TRPV5: variants seen among roughly 807,000 people sequenced by gnomAD.
The protein encoded by TRPV5 is transient receptor potential cation channel subfamily V member 5, also known as calcium transport protein 2.
In TRPV5, 66 loss-of-function variants were observed where a neutral mutation model predicts 74.1. The observed-to-expected ratio is 0.89, with a 90% CI of 0.73 to 1.09. TRPV5 has a LOEUF of 1.09. Ranked by LOEUF, TRPV5 falls within the 50% of genes least tolerant of loss-of-function variation. The probability of loss-of-function intolerance (pLI) is 0.00; values close to 1 mark genes in which losing one functional copy is unlikely to be tolerated. For missense variants in TRPV5, 936 were observed against 930.4 expected (o/e 1.01, Z -0.08); for synonymous variants, 399 against 360.7 (o/e 1.11, Z -1.20).
chr7:142,924,571 C>A lies in TRPV5; in HGVS notation c.1122+958G>T, dbSNP rs6966572. Among the ~76,000 whole-genome samples the A allele has an allele frequency of 7.3e-5, 11 of 151,374 alleles. No individual in the cohort carries two copies. The South Asian group carries it at 1.9e-3, about 26-fold the overall frequency. ...CTATAGAAAGTTTATATTCTCTTTC[C>A]GACTGAAACTACCCTGCTTCCTAGT... On this transcript the variant is annotated intron_variant, in intron 8 of 14. Transcript: ENST00000265310.
At chr7:142,914,786 G>A in intron 11 of TRPV5, 80 bp from the exon 12 acceptor site, 1 of 1,607,606 alleles carries the variant, frequency 6.2e-7, no homozygotes. Flanking sequence ...CAGATCAAGA[G>A]GCCCCCATAG....
intron 14 of TRPV5, among the ~76,000 whole-genome samples, 192 bp from the exon 15 acceptor site, chr7:142,909,000 G>A (rs531783960): frequency 1.6e-4 from 25 of 152,262 alleles, no homozygotes; most frequent in African/African-American, 5.8e-4. Context: ...TAGAGATAAT[G>A]GAGGCTGAGC....
chr7:142,923,722 G>C (rs186878608), intron 8 of TRPV5, among the ~76,000 whole-genome samples: 23 of 152,288 alleles, frequency 1.5e-4, no homozygotes, highest in African/African-American at 5.5e-4. Context: ...ATGCTTCTGA[G>C]TCCTGAAGCA....
At chr7:142,920,263 A>G (rs1441078809) in intron 8 of TRPV5, among the ~76,000 whole-genome samples, 1 of 152,312 alleles carries the variant, frequency 6.6e-6, no homozygotes. Flanking sequence ...TCTCAGGGGT[A>G]TTGGCTTGGG....
At chr7:142,929,172 G>C in intron 4 of TRPV5, 52 bp from the exon 5 acceptor site, 1 of 1,594,064 alleles carries the variant, frequency 6.3e-7, no homozygotes, top group East Asian at 2.3e-5. Flanking sequence ...GCAGGATGGG[G>C]TGGGCAGTCT....
In TRPV5 at chr7:142,915,252, A is replaced by G. The variant is rs371093363; in HGVS notation, c.1286+55T>C. 3.7e-4 allele frequency: 593 copies of G among 1,596,368 alleles called. 1 individual carries two copies. Among genetic ancestry groups the G allele is most frequent in the Non-Finnish European group, 4.8e-4 (561 of 1,171,426 alleles). On this transcript the variant is annotated intron_variant, in intron 10 of 14. Transcript: ENST00000265310. ...CTAGAACTCAGAGAGTGAGCTGGAG[A>G]CAGGAAAAGATTCTGGTAAGGAAAG... is the stretch of plus-strand genomic sequence containing the variant.
Position 142,909,560 on chromosome 7 carries a change from G to A in TRPV5, c.1825C>T (p.Pro609Ser). The change falls in exon 14 of 15, where the codon CCT becomes TCT. Residue 609 changes from proline (P) to serine (S), a missense_variant. By Grantham distance (74) the Pro-to-Ser change is moderately conservative. Transcript: ENST00000265310. ...ATTVMLERKLPRCLWPRSGIC... is the reference protein window; with the variant it reads ...ATTVMLERKLSRCLWPRSGIC... Reference sequence around the variant, plus strand: ...CCGGAGCGAGGCCACAGGCAGCGAGGCAGCTTCCGCTCCAGCATCACTGTG... The same window carrying A: ...CCGGAGCGAGGCCACAGGCAGCGAGACAGCTTCCGCTCCAGCATCACTGTG... The A allele has an allele frequency of 1.2e-6, 2 of 1,614,062 alleles. No homozygotes were observed. The highest frequency in any genetic ancestry group is 1.7e-6 in the Non-Finnish European group (2 of 1,180,044).
In TRPV5 at chr7:142,914,762, G is replaced by A. The variant is rs900103079; in HGVS notation, c.1453-56C>T. 8.1e-6 allele frequency: 13 copies of A among 1,607,628 alleles called. No homozygotes were observed. In the Admixed American group the frequency reaches 1.7e-4, roughly 21 times the overall value. On this transcript the variant is annotated intron_variant, in intron 11 of 14. Transcript: ENST00000265310. ...ATGATTCCTTTTCCACTGCTTTTGA[G>A]CAGCTAACGCTAACAGATCAAGAGG...
intron 1 of TRPV5, 91 bp from the exon 2 acceptor site, chr7:142,930,537 C>T (rs1421169020): frequency 8.4e-6 from 8 of 954,638 alleles, no homozygotes; most frequent in Admixed American, 1.7e-5. Context: ...TTAAGACCAA[C>T]GTGACTCACA....
Position 142,925,602 on chromosome 7 carries a change from C to A in TRPV5, c.1049G>T (p.Arg350Leu), listed in dbSNP as rs761716952. The change falls in exon 8 of 15, where the codon CGC (arginine) becomes CTC (leucine). Residue 350 changes from arginine (R) to leucine (L), a missense_variant. By Grantham distance (102) the Arg-to-Leu change is moderately radical. Coordinates refer to ENST00000265310, the MANE Select transcript of TRPV5 (RefSeq NM_019841.7). Reference protein sequence around the residue: ...MICFTTCCVYRPLKFRGGNRT... With the variant: ...MICFTTCCVYLPLKFRGGNRT... ...GTTGCCACCACGAAACTTAAGGGGGCGGTAGACGCAGCACGTAGTAAAGCA... is the reference window on the plus strand; with the variant it reads ...GTTGCCACCACGAAACTTAAGGGGGAGGTAGACGCAGCACGTAGTAAAGCA... The A allele has an allele frequency of 6.8e-6, 11 of 1,613,988 alleles. No homozygotes were observed. Among genetic ancestry groups the A allele is most frequent in the African/African-American group, 2.7e-5 (2 of 74,860 alleles).
In TRPV5 at chr7:142,928,771, G is replaced by A. The variant is rs754857887; in HGVS notation, c.682C>T (p.His228Tyr). 1 of 1,614,162 alleles carries A rather than the reference G, an allele frequency of 6.2e-7. No individual in the cohort carries two copies. The highest frequency in any genetic ancestry group is 1.1e-5 in the South Asian group (1 of 91,086). ...GGCACAAGGTCCAGGGGCTGCAGGT[G>A]GTCCCCATGTCCATCATAGGACAGC... ...LLLSYDGHGD[H>Y]LQPLDLVPNH... The change falls in exon 6 of 15, where the codon CAC (histidine) becomes TAC (tyrosine). Residue 228 changes from histidine to tyrosine, a missense_variant. Coordinates refer to ENST00000265310, the MANE Select transcript of TRPV5 (RefSeq NM_019841.7).
intron 7 of TRPV5, among the ~76,000 whole-genome samples, chr7:142,926,300 T>C (rs1307399409): frequency 6.6e-6 from 1 of 151,990 alleles, no homozygotes; most frequent in Non-Finnish European, 1.5e-5. Flanking sequence ...AAAGAAGCAA[T>C]GGAGGTTACA....
At chr7:142,917,380 C>T (rs956966967) in intron 8 of TRPV5, among the ~76,000 whole-genome samples, 5 of 151,914 alleles carry the variant, frequency 3.3e-5, no homozygotes, top group African/African-American at 1.2e-4. Flanking sequence ...TTAAAAATGT[C>T]GTGTCTTGAT....
Position 142,933,450 on chromosome 7 carries a change from A to C in TRPV5, c.10T>G (p.Phe4Val). 1 of 1,613,620 alleles carries C rather than the reference A, an allele frequency of 6.2e-7. No individual in the cohort carries two copies. The highest frequency in any genetic ancestry group is 8.5e-7 in the Non-Finnish European group (1 of 1,179,782). MGG[F>V]LPKAEGPGSQ... ...CCGGGCCCTTCTGCCTTAGGTAGAA[A>C]ACCCCCCATGTCTTCTCCTTGCAGA... The change falls in exon 1 of 15, where the codon TTT becomes GTT. Residue 4 changes from phenylalanine (F) to valine (V), a missense_variant. By Grantham distance (50) the Phe-to-Val change is conservative. Transcript: ENST00000265310.
chr7:142,912,412 A>G (rs1795713831), intron 13 of TRPV5, 70 bp downstream of exon 13: 5 of 1,554,616 alleles, frequency 3.2e-6, no homozygotes, highest in Non-Finnish European at 4.4e-6. Context: ...ATGATCCACC[A>G]TAACATTTTC....
intron 14 of TRPV5, 132 bp downstream of exon 14, chr7:142,909,358 C>CACTGT (rs1795669254): frequency 2.3e-6 from 2 of 882,074 alleles, no homozygotes; most frequent in Admixed American, 4.9e-5. Context: ...CAGCATTCTT[C>CACTGT]GTACCCCTCC....
intron 8 of TRPV5, 182 bp downstream of exon 8, chr7:142,925,347 C>T (rs1413988583): frequency 4.8e-6 from 3 of 628,660 alleles, no homozygotes; most frequent in East Asian, 5.5e-5. Context: ...GACAAATGCT[C>T]TTGTGCTCAT....
rs1795934803 is a variant in TRPV5, at chr7:142,924,269, T to TATATATACATATACATGTATATATATAC, written c.1122+1259_1122+1260insGTATATATATACATGTATATGTATATAT. On this transcript the variant is annotated intron_variant, in intron 8 of 14. Coordinates refer to ENST00000265310, the MANE Select transcript of TRPV5 (RefSeq NM_019841.7). ...ACATATACATGTATATATATACATA[T>TATATATACATATACATGTATATATATAC]ATATATATATACATATACATGTATA... Among the ~76,000 whole-genome samples, 13 of 107,652 alleles carry TATATATACATATACATGTATATATATAC rather than the reference T, an allele frequency of 1.2e-4. 1 individual carries two copies. Among genetic ancestry groups the TATATATACATATACATGTATATATATAC allele is most frequent in the African/African-American group, 4.3e-4 (8 of 18,452 alleles). 70.6% of individuals were successfully genotyped at this position (107,652 alleles called of 152,430 possible). A position where few individuals can be genotyped will look rare whatever the true frequency, so the allele number is the denominator to read the frequency against.
rs1795940394 is a variant in TRPV5 at position 142,924,315 on chromosome 7, C to CATATATAT, written c.1122+1213_1122+1214insATATATAT. Among the ~76,000 whole-genome samples the CATATATAT allele has an allele frequency of 3.6e-4, 6 of 16,746 alleles. 2 individuals are homozygous for CATATATAT. The highest frequency in any genetic ancestry group is 1.3e-3 in the African/African-American group (6 of 4,764). The allele number at this position is 16,746 out of a possible 152,430, so 11.0% of individuals were successfully genotyped here. A position where few individuals can be genotyped will look rare whatever the true frequency, so the allele number is the denominator to read the frequency against. On this transcript the variant is annotated intron_variant, in intron 8 of 14. Coordinates refer to ENST00000265310, the MANE Select transcript of TRPV5 (RefSeq NM_019841.7). ...GTATATATATACATATATATATACACACATATACATGTATATATATACATA... is the reference window on the plus strand; with the variant it reads ...GTATATATATACATATATATATACACATATATATACATATACATGTATATATATACATA...
Sources: gnomAD v4.1 joint callset for allele counts (sites outside exome capture counted in the v4.1 genomes callset) on GRCh38, gnomAD v4.1.1 for gene constraint, MANE v1.5 for transcripts, NCBI Gene and HGNC (gene_info 2026-07-23, HGNC 2026-07-21) for gene names.